The following GABRB3 variants were observed in gnomAD, a reference collection of about 807,000 sequenced individuals.
GABRB3 encodes the protein gamma-aminobutyric acid receptor subunit beta-3.
In GABRB3, 14 loss-of-function variants were observed where a neutral mutation model predicts 52.1. The ratio of observed to expected loss-of-function variants is 0.27; its 90% confidence interval spans 0.18 to 0.42. The LOEUF (loss-of-function observed/expected upper bound fraction) is 0.42. Ranked by LOEUF, GABRB3 falls within the 10% of genes least tolerant of loss-of-function variation. GABRB3 has a pLI of 1.00. For missense variants in GABRB3, 307 were observed against 609.1 expected (o/e 0.50, Z 5.22); for synonymous variants, 260 against 232.3 (o/e 1.12, Z -1.08).
At chr15:26,729,020 T>C (rs1277351405) in intron 3 of GABRB3, among the ~76,000 whole-genome samples, 1 of 152,218 alleles carries the variant, frequency 6.6e-6, no homozygotes, top group Non-Finnish European at 1.5e-5. Context: ...GAGTCAAGTC[T>C]GACTTAAGTC....
chr15:26,763,144 A>C (rs1442337938), intron 3 of GABRB3, among the ~76,000 whole-genome samples: 1 of 152,114 alleles, frequency 6.6e-6, no homozygotes, highest in African/African-American at 2.4e-5. Context: ...AGTGGTGAGA[A>C]ATTATTCTTG....
intron 4 of GABRB3, among the ~76,000 whole-genome samples, chr15:26,606,618 T>G (rs61998668): frequency 0.49 from 74,495 of 151,708 alleles, 19,397 homozygotes; most frequent in Non-Finnish European, 0.59. Context: ...CTTTTACCAC[T>G]TTAATTCAAC....
intron 3 of GABRB3, among the ~76,000 whole-genome samples, chr15:26,647,744 C>T (rs1887054801): frequency 6.6e-6 from 1 of 152,150 alleles, no homozygotes; most frequent in Non-Finnish European, 1.5e-5. Flanking sequence ...AGCCAGGCCA[C>T]AGCAGGACCT....
chr15:26,676,925 C>T (rs1234289530), intron 3 of GABRB3, among the ~76,000 whole-genome samples: 1 of 152,044 alleles, frequency 6.6e-6, no homozygotes, highest in African/African-American at 2.4e-5. Flanking sequence ...GTTTAAAAAT[C>T]TATTTTAGCA....
Position 26,559,998 on chromosome 15 carries a change from A to T in GABRB3, c.1080+934T>A, listed in dbSNP as rs550085487. 3.3e-5 allele frequency among the ~76,000 whole-genome samples: 5 copies of T among 152,334 alleles called. No homozygotes were observed. In the South Asian group the frequency reaches 1.0e-3, roughly 32 times the overall value. On this transcript the variant is annotated intron_variant, in intron 8 of 8. Coordinates refer to ENST00000311550, the MANE Select transcript of GABRB3 (RefSeq NM_000814.6). ...AGATGGTGTGCCTGCTCCAGTGCAA[A>T]GAATGGCAGCATGCTGGATCATCAA... is the stretch of plus-strand genomic sequence containing the variant.
chr15:26,607,064 C>T (rs1249931832), intron 4 of GABRB3, among the ~76,000 whole-genome samples: 5 of 152,238 alleles, frequency 3.3e-5, no homozygotes, highest in South Asian at 2.1e-4. Flanking sequence ...AAAAGGCAAA[C>T]GCCGAGCTGT....
chr15:26,570,160 A>G (rs1890339780), intron 6 of GABRB3, among the ~76,000 whole-genome samples: 1 of 152,190 alleles, frequency 6.6e-6, no homozygotes, highest in Admixed American at 6.5e-5. Context: ...GCCTTAGGTA[A>G]GTTCACAATA....
chr15:26,648,097 C>T (rs185578049), intron 3 of GABRB3, among the ~76,000 whole-genome samples: 9 of 152,284 alleles, frequency 5.9e-5, no homozygotes, highest in African/African-American at 1.7e-4. Flanking sequence ...ATCTGCAGAA[C>T]TCTCCATCAC....
chr15:26,548,368 A>C (rs1053509145), intron 8 of GABRB3, among the ~76,000 whole-genome samples: 2 of 152,326 alleles, frequency 1.3e-5, no homozygotes, highest in East Asian at 3.9e-4. Context: ...AGATGAAATA[A>C]GGGGGAGGGG....
In GABRB3 at chr15:26,692,322, T is replaced by C. The variant is rs74004645; in HGVS notation, c.241-70788A>G. Among the ~76,000 whole-genome samples the C allele has an allele frequency of 3.0e-3, 458 of 151,802 alleles. 2 individuals carry two copies. Among genetic ancestry groups the C allele is most frequent in the African/African-American group, 0.011 (442 of 41,484 alleles). ...AACAGAAATAAGAGACCAAACAGAT[T>C]GCATGCAGGAGGAAGGTAGTTACAG... On this transcript the variant is annotated intron_variant, in intron 3 of 8. Transcript: ENST00000311550.
chr15:26,749,214 C>G lies in GABRB3; in HGVS notation c.240+23188G>C, dbSNP rs572568697. Among the ~76,000 whole-genome samples, 18 of 152,002 alleles carry G rather than the reference C, an allele frequency of 1.2e-4. No homozygotes were observed. In the South Asian group the frequency reaches 3.3e-3, roughly 28 times the overall value. ...ACTGTGCACTCCAAATTTTGATATG[C>G]TGCATTTTCATTTTCATTCAGTACT... is the stretch of plus-strand genomic sequence containing the variant. On this transcript the variant is annotated intron_variant, in intron 3 of 8. Transcript: ENST00000311550.
At chr15:26,582,214 G>A (rs1890815111) in intron 5 of GABRB3, among the ~76,000 whole-genome samples, 1 of 152,136 alleles carries the variant, frequency 6.6e-6, no homozygotes, top group African/African-American at 2.4e-5. Flanking sequence ...CACCACAGCG[G>A]CAGAGTCCTC....
At position 26,764,180 on chromosome 15, in the gene GABRB3, ATATATATATATATATATATATATATATAT is replaced by A. The variant is rs1404003656; in HGVS notation, c.240+8193_240+8221del. Among the ~76,000 whole-genome samples the A allele has an allele frequency of 2.2e-3, 10 of 4,452 alleles. 2 individuals carry two copies. Among genetic ancestry groups the A allele is most frequent in the Admixed American group, 0.011 (3 of 280 alleles). 2.9% of individuals were successfully genotyped at this position (4,452 alleles called of 152,430 possible). A position where few individuals can be genotyped will look rare whatever the true frequency, so the allele number is the denominator to read the frequency against. On this transcript the variant is annotated intron_variant, in intron 3 of 8. Transcript: ENST00000311550. ...AAAAAAAAAAAAAAAAAAAAAAAAA[ATATATATATATATATATATATATATATAT>A]ATATATATATATATATATATATATA... is the stretch of plus-strand genomic sequence containing the variant.
chr15:26,756,661 G>T (rs554347354), intron 3 of GABRB3, among the ~76,000 whole-genome samples: 1 of 152,170 alleles, frequency 6.6e-6, no homozygotes, highest in South Asian at 2.1e-4. Context: ...ATATAAAAAT[G>T]TAATATCACA....
chr15:26,758,724 T>C (rs1201832749), intron 3 of GABRB3, among the ~76,000 whole-genome samples: 1 of 151,788 alleles, frequency 6.6e-6, no homozygotes, highest in Admixed American at 6.6e-5. Context: ...ATTCCCCTTG[T>C]AAGCATCTGA....
Position 26,765,778 on chromosome 15 carries a change from A to G in GABRB3, c.240+6624T>C, listed in dbSNP as rs891518664. Among the ~76,000 whole-genome samples, 4 of 152,218 alleles carry G rather than the reference A, an allele frequency of 2.6e-5. No individual in the cohort carries two copies. In the South Asian group the frequency reaches 8.3e-4, roughly 31 times the overall value. ...ACTATAATAAGTGTTGCAGGAAAGA[A>G]TAAGTTTTCACAGAAATGCAGAATG... is the stretch of plus-strand genomic sequence containing the variant. On this transcript the variant is annotated intron_variant, in intron 3 of 8. Coordinates refer to ENST00000311550, the MANE Select transcript of GABRB3 (RefSeq NM_000814.6).
At chr15:26,649,540 T>C (rs2140586665) in intron 3 of GABRB3, among the ~76,000 whole-genome samples, 1 of 152,240 alleles carries the variant, frequency 6.6e-6, no homozygotes, top group South Asian at 2.1e-4. Context: ...CAGGCATGAC[T>C]GGAGGTAGTG....
At chr15:26,736,816 A>C (rs1272626114) in intron 3 of GABRB3, among the ~76,000 whole-genome samples, 1 of 152,250 alleles carries the variant, frequency 6.6e-6, no homozygotes, top group Non-Finnish European at 1.5e-5. Context: ...CCCATAACTC[A>C]ATGGCCACAG....
At chr15:26,612,962 A>ACACAC (rs1566774338) in intron 4 of GABRB3, 1 of 151,864 alleles carries the variant, frequency 6.6e-6, no homozygotes, top group African/African-American at 2.4e-5. Flanking sequence ...CACACACACA[A>ACACAC]AAAAAATAGC....
Sources: gnomAD v4.1 joint callset for allele counts (sites outside exome capture counted in the v4.1 genomes callset) on GRCh38, gnomAD v4.1.1 for gene constraint, MANE v1.5 for transcripts, NCBI Gene and HGNC (gene_info 2026-07-23, HGNC 2026-07-21) for gene names.